EFCAB11: variants seen among roughly 807,000 people sequenced by gnomAD.
EFCAB11 encodes EF-hand calcium-binding domain-containing protein 11.
EFCAB11 carries 14 observed loss-of-function variants against 23.0 expected under a neutral mutation model. That is an observed-to-expected ratio of 0.61 (90% CI 0.40 to 0.95). The LOEUF is 0.95. Ranked by LOEUF, EFCAB11 falls within the 40% of genes least tolerant of loss-of-function variation. The pLI is 0.00. For missense variants in EFCAB11, 198 were observed against 195.8 expected (o/e 1.01, Z -0.07); for synonymous variants, 65 against 66.6 (o/e 0.98, Z 0.11).
At chr14:89,842,994 C>T (rs1461819727) in intron 5 of EFCAB11, among the ~76,000 whole-genome samples, 2 of 152,160 alleles carry the variant, frequency 1.3e-5, no homozygotes, top group Non-Finnish European at 2.9e-5. Context: ...TCACCCTGCG[C>T]TTTTCCTATC....
At chr14:89,840,960 T>G (rs1402681438) in intron 5 of EFCAB11, among the ~76,000 whole-genome samples, 1 of 152,230 alleles carries the variant, frequency 6.6e-6, no homozygotes. Flanking sequence ...TACAGCTCCC[T>G]GTACACACCT....
At chr14:89,861,809 T>C (rs1887932827) in intron 5 of EFCAB11, among the ~76,000 whole-genome samples, 1 of 151,966 alleles carries the variant, frequency 6.6e-6, no homozygotes, top group Non-Finnish European at 1.5e-5. Flanking sequence ...CATGTTATGA[T>C]GCAGCAAGAT....
intron 3 of EFCAB11, among the ~76,000 whole-genome samples, chr14:89,943,583 A>G (rs1400895395): frequency 6.6e-6 from 1 of 152,206 alleles, no homozygotes; most frequent in Non-Finnish European, 1.5e-5. Flanking sequence ...GAAGAGAGAT[A>G]ATATATGTGG....
At chr14:89,906,535 G>GT (rs771582053) in intron 5 of EFCAB11, among the ~76,000 whole-genome samples, 65 of 152,162 alleles carry the variant, frequency 4.3e-4, no homozygotes, top group Non-Finnish European at 5.3e-4. Context: ...GATGTCTACG[G>GT]TTTTTCCTAA....
intron 5 of EFCAB11, among the ~76,000 whole-genome samples, chr14:89,919,368 G>A (rs1889952209): frequency 6.6e-6 from 1 of 152,214 alleles, no homozygotes; most frequent in African/African-American, 2.4e-5. Flanking sequence ...AGGCCCTGCA[G>A]TATGGGTCAG....
chr14:89,899,490 G>T (rs900662772), intron 5 of EFCAB11, among the ~76,000 whole-genome samples: 3 of 151,956 alleles, frequency 2.0e-5, no homozygotes, highest in African/African-American at 4.8e-5. Context: ...TAAAACCTCT[G>T]GGAAAATATA....
intron 4 of EFCAB11, 49 bp downstream of exon 4, chr14:89,932,477 T>C (rs746347915): frequency 7.0e-7 from 1 of 1,436,370 alleles, no homozygotes; most frequent in East Asian, 2.3e-5. Flanking sequence ...CTATTTGCAA[T>C]CCCTTAAAAG....
chr14:89,931,770 A>G, intron 4 of EFCAB11, 139 bp from the exon 5 acceptor site: 1 of 678,482 alleles, frequency 1.5e-6, no homozygotes, highest in Non-Finnish European at 2.5e-6. Flanking sequence ...TTCACAGATA[A>G]GGTAATCTGA....
intron 5 of EFCAB11, among the ~76,000 whole-genome samples, chr14:89,856,674 C>T (rs1457626826): frequency 6.6e-6 from 1 of 152,174 alleles, no homozygotes; most frequent in African/African-American, 2.4e-5. Context: ...TTGCATTTCC[C>T]TGATGATTAA....
intron 5 of EFCAB11, among the ~76,000 whole-genome samples, chr14:89,873,649 A>T (rs1305734095): frequency 1.3e-5 from 2 of 152,202 alleles, no homozygotes; most frequent in Non-Finnish European, 2.9e-5. Flanking sequence ...TCCAGATGGG[A>T]GAAATTGGCC....
intron 5 of EFCAB11, among the ~76,000 whole-genome samples, chr14:89,818,428 G>C (rs544275243): frequency 6.6e-6 from 1 of 152,130 alleles, no homozygotes; most frequent in East Asian, 1.9e-4. Flanking sequence ...AAAGAAGCAA[G>C]AGGGAAAGAG....
chr14:89,952,600 G>C (rs1182545311), intron 2 of EFCAB11: 1 of 985,316 alleles, frequency 1.0e-6, no homozygotes, highest in Non-Finnish European at 1.2e-6. Context: ...CACCTGAGCT[G>C]TTCATGCAAC....
chr14:89,870,040 G>C (rs1888217269), intron 5 of EFCAB11, among the ~76,000 whole-genome samples: 1 of 152,152 alleles, frequency 6.6e-6, no homozygotes, highest in Admixed American at 6.5e-5. Context: ...AATTACAAAA[G>C]GAAATATGAT....
rs540000633 is a variant in EFCAB11, at chr14:89,948,014, G to A, written c.217+2083C>T. ...CTGCTCCCACCCCACCGCCCCACCCGTCTGCCATCTTCTCTTTTCAGTAGG... is the reference window on the plus strand; with the variant it reads ...CTGCTCCCACCCCACCGCCCCACCCATCTGCCATCTTCTCTTTTCAGTAGG... On this transcript the variant is annotated intron_variant, in intron 3 of 5. Coordinates refer to ENST00000316738, the MANE Select transcript of EFCAB11 (RefSeq NM_145231.4). Among the ~76,000 whole-genome samples the A allele has an allele frequency of 1.5e-4, 19 of 126,568 alleles. No homozygotes were observed. In the South Asian group the frequency reaches 2.0e-3, roughly 13 times the overall value. 83.0% of individuals were successfully genotyped at this position (126,568 alleles called of 152,430 possible).
chr14:89,857,184 T>C (rs1887779536), intron 5 of EFCAB11, among the ~76,000 whole-genome samples: 1 of 152,260 alleles, frequency 6.6e-6, no homozygotes, highest in Non-Finnish European at 1.5e-5. Context: ...TAATGGTATT[T>C]ACTTATAGGC....
chr14:89,928,695 T>C (rs1305433553), intron 5 of EFCAB11, among the ~76,000 whole-genome samples: 1 of 148,330 alleles, frequency 6.7e-6, no homozygotes, highest in Non-Finnish European at 1.5e-5. Flanking sequence ...TATATGTTAA[T>C]CATATATACA....
chr14:89,842,618 ATATGATATGATATG>A (rs1566780518), intron 5 of EFCAB11, among the ~76,000 whole-genome samples: 2 of 151,414 alleles, frequency 1.3e-5, no homozygotes, highest in African/African-American at 4.9e-5. Context: ...ATATGATATG[ATATGATATGATATG>A]ATATGATATA....
intron 5 of EFCAB11, among the ~76,000 whole-genome samples, chr14:89,807,882 G>A (rs954926372): frequency 2.0e-5 from 3 of 151,888 alleles, no homozygotes; most frequent in Non-Finnish European, 2.9e-5. Flanking sequence ...TCCTCAATTC[G>A]GTAATTAAAA....
Position 89,815,037 on chromosome 14 carries a change from G to A in EFCAB11, c.411-17713C>T, listed in dbSNP as rs555766638. 5.3e-5 allele frequency among the ~76,000 whole-genome samples: 8 copies of A among 152,326 alleles called. No individual in the cohort carries two copies. The South Asian group carries it at 1.7e-3, about 32-fold the overall frequency. ...TCATTTCCAGCTTATGTGGGAATATGGGATAAACTGTAGGATTAGGATGAC... is the reference window on the plus strand; with the variant it reads ...TCATTTCCAGCTTATGTGGGAATATAGGATAAACTGTAGGATTAGGATGAC... On this transcript the variant is annotated intron_variant, in intron 5 of 5. Coordinates refer to ENST00000316738, the MANE Select transcript of EFCAB11 (RefSeq NM_145231.4).
Sources: gnomAD v4.1 joint callset for allele counts (sites outside exome capture counted in the v4.1 genomes callset) on GRCh38, gnomAD v4.1.1 for gene constraint, MANE v1.5 for transcripts, NCBI Gene and HGNC (gene_info 2026-07-23, HGNC 2026-07-21) for gene names.